The following P2RX4 variants were observed in gnomAD, a reference collection of about 807,000 sequenced individuals.
The protein encoded by P2RX4 is P2X purinoceptor 4.
A neutral mutation model predicts 48.0 loss-of-function variants in P2RX4; 37 were observed. The observed-to-expected ratio is 0.77, with a 90% CI of 0.59 to 1.01. The LOEUF is 1.01. Among genes scored for constraint, P2RX4 ranks in the 50% least tolerant of loss-of-function variants. The pLI is 0.00. For missense variants in P2RX4, 501 were observed against 521.4 expected (o/e 0.96, Z 0.38); for synonymous variants, 200 against 199.7 (o/e 1.00, Z -0.01).
chr12:121,213,068 C>T (rs1464654783), intron 1 of P2RX4: 1 of 151,654 alleles, frequency 6.6e-6, no homozygotes, highest in African/African-American at 2.4e-5. Context: ...GAACACTTAA[C>T]CGTTCCTACT....
chr12:121,228,888 C>T, intron 7 of P2RX4, 22 bp downstream of exon 7: 1 of 1,614,124 alleles, frequency 6.2e-7, no homozygotes, highest in Non-Finnish European at 8.5e-7. Context: ...CCCTGGCTCT[C>T]CTGACCCAGC....
intron 8 of P2RX4, among the ~76,000 whole-genome samples, chr12:121,230,675 A>T (rs1340467091): frequency 6.6e-6 from 1 of 152,244 alleles, no homozygotes; most frequent in Non-Finnish European, 1.5e-5. Context: ...GAAAGAACTC[A>T]GGACGCCTAT....
rs1396560758 is a variant in P2RX4, at chr12:121,222,763, C to T, written c.428-184C>T. ...CACCCTGGCTGAGATGTGGCTGGCA[C>T]ACAGGTAACTGTCTTCCTCCGATTC... On this transcript the variant is annotated intron_variant, in intron 4 of 11. Transcript: ENST00000337233. The T allele has an allele frequency of 2.0e-6, 3 of 1,525,096 alleles. No individual in the cohort carries two copies. The East Asian group carries it at 7.5e-5, about 38-fold the overall frequency. 94.5% of individuals were successfully genotyped at this position (1,525,096 alleles called of 1,614,324 possible).
At chr12:121,211,730 A>G (rs948262652) in intron 1 of P2RX4, among the ~76,000 whole-genome samples, 1 of 151,624 alleles carries the variant, frequency 6.6e-6, no homozygotes, top group African/African-American at 2.4e-5. Context: ...GCTGGAGTGC[A>G]GTGGTGCAAT....
intron 8 of P2RX4, among the ~76,000 whole-genome samples, chr12:121,231,736 G>A (rs567505380): frequency 6.6e-6 from 1 of 152,054 alleles, no homozygotes; most frequent in Non-Finnish European, 1.5e-5. Flanking sequence ...GTTGAAGACT[G>A]TGTGCACAGA....
Position 121,221,944 on chromosome 12 carries a change from T to G in P2RX4, c.314T>G (p.Val105Gly), listed in dbSNP as rs867698418. The G allele has an allele frequency of 2.5e-6, 4 of 1,614,200 alleles. No individual in the cohort carries two copies. The South Asian group carries it at 3.3e-5, about 13-fold the overall frequency. The part of the protein sequence containing the change: ...EENSLFVMTN[V>G]ILTMNQTQGL... The stretch of plus-strand genomic sequence containing the variant: ...AACTCCCTCTTCGTCATGACCAACG[T>G]GATCCTCACCATGAACCAGACACAG... Residue 105 changes from valine to glycine, a missense_variant, in exon 3 of 12, where the codon GTG becomes GGG. This residue lies in a region of P2RX4 where 295 missense variants were observed against 275.3 expected (regional missense o/e 1.07). Transcript: ENST00000337233.
intron 5 of P2RX4, among the ~76,000 whole-genome samples, chr12:121,227,062 C>T (rs1653599): frequency 0.014 from 2,197 of 151,718 alleles, 52 homozygotes; most frequent in African/African-American, 0.05. Flanking sequence ...GAGCCGAGAT[C>T]GCGGCATTGC....
chr12:121,211,115 C>T (rs973983296), intron 1 of P2RX4, among the ~76,000 whole-genome samples: 28 of 152,240 alleles, frequency 1.8e-4, no homozygotes, highest in African/African-American at 6.0e-4. Context: ...AGTCATTCCC[C>T]ATGCTGCCCC....
In P2RX4 at chr12:121,232,470, C is replaced by T. The variant is rs531266780; in HGVS notation, c.941C>T (p.Ala314Val). 6.2e-7 allele frequency: 1 copy of T among 1,614,200 alleles called. No homozygotes were observed. The highest frequency in any genetic ancestry group is 1.7e-5 in the Admixed American group (1 of 60,032). The change falls in exon 9 of 12, where the codon GCC becomes GTC. Residue 314 changes from alanine (A) to valine (V), a missense_variant. Coordinates refer to ENST00000337233, the MANE Select transcript of P2RX4 (RefSeq NM_002560.3). This position sits in a 1 kb window ranked among gnomAD's most constrained non-coding sequence, Gnocchi z 4.3. ...AGNEQRTLIK[A>V]YGIRFDIIVF... ...AACGAGCAGCGCACGCTCATCAAGG[C>T]CTATGGCATCCGCTTCGACATCATT...
Position 121,228,791 on chromosome 12 carries a change from TC to T in P2RX4, c.675del (p.Phe226SerfsTer10). 1 of 1,614,124 alleles carries T rather than the reference TC, an allele frequency of 6.2e-7. No homozygotes were observed. Among genetic ancestry groups the T allele is most frequent in the Non-Finnish European group, 8.5e-7 (1 of 1,180,004 alleles). On this transcript the variant is annotated frameshift_variant, in exon 7 of 12. Transcript: ENST00000337233. LOFTEE classifies it high-confidence loss of function. The part of the protein sequence containing the change: ...KSCIYDAKTD[P>X]FCPIFRLGKI... ...CGTGCATTTATGATGCTAAAACAGATCCCTTCTGCCCCATATTCCGTCTTGG... is the reference window on the plus strand; with the variant it reads ...CGTGCATTTATGATGCTAAAACAGATCCTTCTGCCCCATATTCCGTCTTGG...
chr12:121,222,063 T>G, intron 3 of P2RX4, 31 bp from the exon 4 acceptor site: 1 of 1,608,888 alleles, frequency 6.2e-7, no homozygotes. Flanking sequence ...CCGGGCCACG[T>G]GGACTTTCTT....
At position 121,232,805 on chromosome 12, in the gene P2RX4, G is replaced by A; in HGVS notation, c.1044+129G>A. ...TTGACCCTCCTACCTTCTTTCCCTT[G>A]GCCCCCAGCCCTCCTCCCACCTTCC... On this transcript the variant is annotated intron_variant, in intron 10 of 11. Transcript: ENST00000337233. The surrounding 1 kb of genome is among the most constrained non-coding windows in gnomAD (Gnocchi z 4.3). 1 of 934,378 alleles carries A rather than the reference G, an allele frequency of 1.1e-6. No individual in the cohort carries two copies. The highest frequency in any genetic ancestry group is 1.7e-6 in the Non-Finnish European group (1 of 575,936). 57.9% of individuals were successfully genotyped at this position (934,378 alleles called of 1,614,324 possible).
At chr12:121,225,127 C>G (rs557483429) in intron 5 of P2RX4, among the ~76,000 whole-genome samples, 3 of 146,230 alleles carry the variant, frequency 2.1e-5, no homozygotes, top group African/African-American at 7.5e-5. Context: ...GGCTGGAGTA[C>G]AGTGGCGTGA....
chr12:121,210,304 C>G lies in P2RX4; in HGVS notation c.134+6C>G. The G allele has an allele frequency of 6.6e-7, 1 of 1,517,538 alleles. No individual in the cohort carries two copies. The highest frequency in any genetic ancestry group is 2.8e-5 in the East Asian group (1 of 35,922). The allele number at this position is 1,517,538 out of a possible 1,614,324, so 94.0% of individuals were successfully genotyped here. On this transcript the variant is annotated splice_donor_region_variant and intron_variant, in intron 1 of 11. Coordinates refer to ENST00000337233, the MANE Select transcript of P2RX4 (RefSeq NM_002560.3). ...ATCCTGGCCTACGTCATCGGGTGAG[C>G]GTGGGGCCGCGCGGGGGGCGCGGCG... is the stretch of plus-strand genomic sequence containing the variant.
Position 121,232,390 on chromosome 12 carries a change from C to G in P2RX4, c.885-24C>G. 1 of 1,563,280 alleles carries G rather than the reference C, an allele frequency of 6.4e-7. No individual in the cohort carries two copies. Among genetic ancestry groups the G allele is most frequent in the African/African-American group, 1.4e-5 (1 of 74,020 alleles). On this transcript the variant is annotated intron_variant, in intron 8 of 11. Coordinates refer to ENST00000337233, the MANE Select transcript of P2RX4 (RefSeq NM_002560.3). The surrounding 1 kb of genome is among the most constrained non-coding windows in gnomAD (Gnocchi z 4.3). ...AAGGTCCTGCCCCAGCCATCTCCCC[C>G]TGATCCATCCTCCTTCCCCTCAGGT... is the stretch of plus-strand genomic sequence containing the variant.
chr12:121,232,225 A>T lies in P2RX4; in HGVS notation c.885-189A>T, dbSNP rs1593227946. ...GGAGGAGGTCTCCCTGTGCCCCTGT[A>T]CCTCGTGGGCCCCGCATCCTCCTGC... On this transcript the variant is annotated intron_variant, in intron 8 of 11. Transcript: ENST00000337233. The surrounding 1 kb of genome is among the most constrained non-coding windows in gnomAD (Gnocchi z 4.3). 3 of 604,536 alleles carry T rather than the reference A, an allele frequency of 5.0e-6. No homozygotes were observed. In the East Asian group the frequency reaches 8.3e-5, roughly 17 times the overall value. 37.4% of individuals were successfully genotyped at this position (604,536 alleles called of 1,614,324 possible).
At chr12:121,213,251 ACCTTGCCT>A (rs1440380947) in intron 1 of P2RX4, 1 of 152,152 alleles carries the variant, frequency 6.6e-6, no homozygotes, top group African/African-American at 2.4e-5. Flanking sequence ...ACATAGCGAG[ACCTTGCCT>A]CTACAAAAAA....
At chr12:121,215,861 A>T (rs1180656803) in intron 1 of P2RX4, 1 of 152,114 alleles carries the variant, frequency 6.6e-6, no homozygotes, top group East Asian at 1.9e-4. Context: ...TAATTGTTCA[A>T]ACTGGTAGTC....
At position 121,222,873 on chromosome 12, in the gene P2RX4, T is replaced by C. The variant is rs1886729750; in HGVS notation, c.428-74T>C. The C allele has an allele frequency of 2.1e-6, 3 of 1,413,028 alleles. No homozygotes were observed. In the South Asian group the frequency reaches 3.6e-5, roughly 17 times the overall value. 87.5% of individuals were successfully genotyped at this position (1,413,028 alleles called of 1,614,324 possible). A position where few individuals can be genotyped will look rare whatever the true frequency, so the allele number is the denominator to read the frequency against. ...ATGGGAGGCTGGATGGGGCTCTCACTCCCTACTCCAAAAAGGTAGAAAATA... is the reference window on the plus strand; with the variant it reads ...ATGGGAGGCTGGATGGGGCTCTCACCCCCTACTCCAAAAAGGTAGAAAATA... On this transcript the variant is annotated intron_variant, in intron 4 of 11. Coordinates refer to ENST00000337233, the MANE Select transcript of P2RX4 (RefSeq NM_002560.3).
Sources: allele counts gnomAD v4.1 joint callset (sites outside exome capture counted in the v4.1 genomes callset), GRCh38; gene constraint gnomAD v4.1.1; regional missense constraint gnomAD v4.1.1; non-coding constraint Gnocchi (gnomAD v3.1); transcripts MANE v1.5; gene names NCBI Gene and HGNC (gene_info 2026-07-23, HGNC 2026-07-21).